The following LRRC4C variants were observed in gnomAD, a reference collection of about 807,000 sequenced individuals.
The protein encoded by LRRC4C is leucine-rich repeat-containing protein 4C.
In LRRC4C, 5 loss-of-function variants were observed where a neutral mutation model predicts 33.6. The observed-to-expected ratio is 0.15, with a 90% confidence interval of 0.08 to 0.31. LRRC4C has a LOEUF of 0.31. LRRC4C is among the 10% of genes least tolerant of loss of function. The pLI is 1.00. For synonymous variants in LRRC4C, 329 were observed against 302.0 expected (o/e 1.09, Z -0.93); for missense variants, 560 against 796.7 (o/e 0.70, Z 3.58).
chr11:40,115,322 G>C lies in LRRC4C; in HGVS notation c.971C>G (p.Thr324Arg). 1.2e-6 allele frequency: 2 copies of C among 1,614,192 alleles called. No individual in the cohort carries two copies. The highest frequency in any genetic ancestry group is 2.2e-5 in the South Asian group (2 of 91,092). ...WWIKDMAPSN[T>R]ACCARCNTPP... Reference sequence around the variant, plus strand: ...AGTGTTACACCGGGCACAACAAGCTGTGTTCGAGGGGGCCATGTCTTTTAT... The same window carrying C: ...AGTGTTACACCGGGCACAACAAGCTCTGTTCGAGGGGGCCATGTCTTTTAT... The change falls in exon 7 of 7, where the codon ACA becomes AGA. Residue 324 changes from threonine (T) to arginine (R), a missense_variant. Coordinates refer to ENST00000528697, the MANE Select transcript of LRRC4C (RefSeq NM_001258419.2). This position sits in a 1 kb window ranked among gnomAD's most constrained non-coding sequence, Gnocchi z 6.7.
At chr11:40,583,720 A>G (rs1958579435) in intron 3 of LRRC4C, among the ~76,000 whole-genome samples, 1 of 152,036 alleles carries the variant, frequency 6.6e-6, no homozygotes. Flanking sequence ...CGATCTCATC[A>G]TATTATATTC....
intron 3 of LRRC4C, among the ~76,000 whole-genome samples, chr11:40,495,532 G>A (rs1377158642): frequency 1.3e-5 from 2 of 152,092 alleles, no homozygotes; most frequent in African/African-American, 4.8e-5. Context: ...GATATTACAC[G>A]TTAAATTATT....
At chr11:41,168,378 T>C (rs1424718624) in intron 1 of LRRC4C, among the ~76,000 whole-genome samples, 1 of 152,174 alleles carries the variant, frequency 6.6e-6, no homozygotes, top group African/African-American at 2.4e-5. Flanking sequence ...TCATCCAAAA[T>C]CCAGGCTCTC....
chr11:40,185,187 A>G (rs1375349366), intron 5 of LRRC4C, among the ~76,000 whole-genome samples: 1 of 152,150 alleles, frequency 6.6e-6, no homozygotes, highest in African/African-American at 2.4e-5. Context: ...CATTTTACCT[A>G]TTGTGTATAT....
At chr11:40,530,137 T>C (rs1343337300) in intron 3 of LRRC4C, among the ~76,000 whole-genome samples, 1 of 152,018 alleles carries the variant, frequency 6.6e-6, no homozygotes, top group Non-Finnish European at 1.5e-5. Flanking sequence ...AAAAAACAAA[T>C]GCCCAGAATT....
At chr11:40,259,145 C>T (rs1867466710) in intron 4 of LRRC4C, among the ~76,000 whole-genome samples, 1 of 152,182 alleles carries the variant, frequency 6.6e-6, no homozygotes, top group Admixed American at 6.6e-5. Flanking sequence ...CAAGCAGTTG[C>T]TTCTCAGACT....
At chr11:41,186,038 GA>G (rs1945680836) in intron 1 of LRRC4C, among the ~76,000 whole-genome samples, 1 of 151,966 alleles carries the variant, frequency 6.6e-6, no homozygotes, top group Non-Finnish European at 1.5e-5. Flanking sequence ...TAAACACATA[GA>G]AAAAATGTCC....
intron 1 of LRRC4C, among the ~76,000 whole-genome samples, chr11:41,020,034 A>C (rs1855850273): frequency 6.6e-6 from 1 of 152,016 alleles, no homozygotes; most frequent in Non-Finnish European, 1.5e-5. Flanking sequence ...CCCATTTGTC[A>C]ATTTTGGCTT....
At chr11:41,029,311 T>C (rs1848029924) in intron 1 of LRRC4C, among the ~76,000 whole-genome samples, 1 of 151,756 alleles carries the variant, frequency 6.6e-6, no homozygotes, top group South Asian at 2.1e-4. Context: ...AAGTTGTTTA[T>C]AGGCTTATAC....
In LRRC4C at chr11:41,237,916, T is replaced by C. The variant is rs190556487; in HGVS notation, c.-496+221515A>G. On this transcript the variant is annotated intron_variant, in intron 1 of 6. Coordinates refer to ENST00000528697, the MANE Select transcript of LRRC4C (RefSeq NM_001258419.2). ...TACCTTCACAATTTCATTAAAAATA[T>C]CTTTTCAAGACTTTTATATTCTTAC... Among the ~76,000 whole-genome samples the C allele has an allele frequency of 2.1e-3, 322 of 152,312 alleles. 2 individuals carry two copies. The highest frequency in any genetic ancestry group is 6.9e-3 in the African/African-American group (286 of 41,564).
intron 1 of LRRC4C, among the ~76,000 whole-genome samples, chr11:41,022,806 A>G (rs532214445): frequency 8.4e-4 from 128 of 152,134 alleles, no homozygotes; most frequent in Non-Finnish European, 1.5e-3. Flanking sequence ...CATCAACTTG[A>G]TGAACTGGGA....
intron 1 of LRRC4C, among the ~76,000 whole-genome samples, chr11:41,158,657 C>T (rs1402563324): frequency 6.6e-6 from 1 of 152,114 alleles, no homozygotes. Flanking sequence ...AACTATCACT[C>T]ATGCCTTTCT....
At chr11:40,547,647 A>C (rs1956977237) in intron 3 of LRRC4C, among the ~76,000 whole-genome samples, 1 of 152,084 alleles carries the variant, frequency 6.6e-6, no homozygotes, top group African/African-American at 2.4e-5. Flanking sequence ...TTGCTTTTCC[A>C]AGTTAGAACT....
At chr11:41,217,747 G>A (rs895126947) in intron 1 of LRRC4C, among the ~76,000 whole-genome samples, 2 of 152,232 alleles carry the variant, frequency 1.3e-5, no homozygotes, top group Admixed American at 1.3e-4. Flanking sequence ...GCTGCAATGT[G>A]CATTGCTTCT....
chr11:40,272,660 A>G (rs886480944), intron 4 of LRRC4C, among the ~76,000 whole-genome samples: 2 of 152,166 alleles, frequency 1.3e-5, no homozygotes, highest in African/African-American at 2.4e-5. Flanking sequence ...CACTCCTAGC[A>G]CATTAAAAAA....
At chr11:40,608,655 C>G (rs79635450) in intron 3 of LRRC4C, among the ~76,000 whole-genome samples, 2,313 of 152,140 alleles carry the variant, frequency 0.015, 60 homozygotes, top group African/African-American at 0.053. Context: ...TAAGTTCCAA[C>G]TACATGCTAA....
At chr11:40,261,306 T>A (rs967380814) in intron 4 of LRRC4C, among the ~76,000 whole-genome samples, 2 of 152,094 alleles carry the variant, frequency 1.3e-5, no homozygotes, top group African/African-American at 4.8e-5. Context: ...TATTGACAAA[T>A]GAAATGAAAA....
chr11:40,317,310 A>AT (rs1945621063), intron 4 of LRRC4C, among the ~76,000 whole-genome samples: 3 of 150,872 alleles, frequency 2.0e-5, no homozygotes, highest in Non-Finnish European at 4.4e-5. Flanking sequence ...CCATTTCCTG[A>AT]TTATTCCTCA....
chr11:40,657,485 CCATT>C (rs55892417), intron 2 of LRRC4C, among the ~76,000 whole-genome samples: 20,030 of 152,132 alleles, frequency 0.13, 1,508 homozygotes, highest in Non-Finnish European at 0.18. Flanking sequence ...AACCTGTCTC[CCATT>C]CTATTCAGTT....
Sources: allele counts gnomAD v4.1 joint callset (sites outside exome capture counted in the v4.1 genomes callset), GRCh38; gene constraint gnomAD v4.1.1; non-coding constraint Gnocchi (gnomAD v3.1); transcripts MANE v1.5; gene names NCBI Gene and HGNC (gene_info 2026-07-23, HGNC 2026-07-21).